Variants in SGCE observed in about 807,000 individuals in gnomAD.
SGCE encodes sarcoglycan epsilon, also known as epsilon-sarcoglycan.
Under a neutral mutation model 57.8 loss-of-function variants are expected in SGCE, and 26 were observed. That is an observed-to-expected ratio of 0.45 (90% CI 0.33 to 0.62). The LOEUF (loss-of-function observed/expected upper bound fraction) is 0.62, where lower values mean the gene tolerates loss of function less well. Among genes scored for constraint, SGCE ranks in the 20% least tolerant of loss-of-function variants. The probability of loss-of-function intolerance (pLI) is 0.02; values close to 1 mark genes in which losing one functional copy is unlikely to be tolerated. For missense variants in SGCE, 468 were observed against 548.6 expected (o/e 0.85, Z 1.47); for synonymous variants, 183 against 189.5 (o/e 0.97, Z 0.28).
chr7:94,624,605 C>A, intron 3 of SGCE: 1 of 179,244 alleles, frequency 5.6e-6, no homozygotes, highest in Non-Finnish European at 1.2e-5. Flanking sequence ...ATTAAACAAA[C>A]TAGGAACTTT....
At chr7:94,638,377 C>T (rs1474521582) in intron 1 of SGCE, among the ~76,000 whole-genome samples, 1 of 151,984 alleles carries the variant, frequency 6.6e-6, no homozygotes. Context: ...TAATTCGGTT[C>T]CAGCTATAAA....
rs527929196 is a variant in SGCE at position 94,585,344 on chromosome 7, G to C, written c.*155C>G. The C allele has an allele frequency of 5.1e-5, 30 of 590,526 alleles. No homozygotes were observed. The highest frequency in any genetic ancestry group is 3.6e-4 in the African/African-American group (20 of 54,804). The allele number at this position is 590,526 out of a possible 1,614,324, so 36.6% of individuals were successfully genotyped here. A position where few individuals can be genotyped will look rare whatever the true frequency, so the allele number is the denominator to read the frequency against. ...GTACAAAAAAATACATTAGTAAAAT[G>C]AAAGTTATGTTGTATTATTTGGTAT... is the stretch of plus-strand genomic sequence containing the variant. On this transcript the variant is annotated 3_prime_UTR_variant, in exon 11 of 11. Coordinates refer to ENST00000648936, the MANE Select transcript of SGCE (RefSeq NM_003919.3).
intron 1 of SGCE, among the ~76,000 whole-genome samples, chr7:94,648,068 A>G (rs573521330): frequency 6.6e-6 from 1 of 152,198 alleles, no homozygotes; most frequent in African/African-American, 2.4e-5. Context: ...CACTCAAAAA[A>G]ATGAATGAAT....
intron 10 of SGCE, chr7:94,587,930 C>A (rs1473156264): frequency 2.8e-6 from 4 of 1,430,836 alleles, no homozygotes; most frequent in Admixed American, 3.4e-5. Context: ...TACCACAATG[C>A]CGCTATTCAT....
intron 1 of SGCE, among the ~76,000 whole-genome samples, chr7:94,647,718 C>T (rs536986362): frequency 6.6e-6 from 1 of 152,174 alleles, no homozygotes; most frequent in Non-Finnish European, 1.5e-5. Flanking sequence ...TTTCTGTTGA[C>T]CATATTCAAC....
At chr7:94,589,272 T>C (rs1259847910) in intron 9 of SGCE, 1 of 160,710 alleles carries the variant, frequency 6.2e-6, no homozygotes, top group Non-Finnish European at 1.4e-5. Context: ...GTTCCTTCCC[T>C]CTCCTTCAGT....
intron 10 of SGCE, chr7:94,587,924 A>G: frequency 1.4e-6 from 2 of 1,447,166 alleles, no homozygotes; most frequent in Non-Finnish European, 1.8e-6. Flanking sequence ...TTTCCCTACC[A>G]CAATGCCGCT....
chr7:94,625,370 T>C (rs1407335091), intron 3 of SGCE: 1 of 151,968 alleles, frequency 6.6e-6, no homozygotes, highest in Non-Finnish European at 1.5e-5. Flanking sequence ...CTTTTTTTTA[T>C]CTTTTTACTA....
At chr7:94,642,255 TG>T (rs1442394053) in intron 1 of SGCE, among the ~76,000 whole-genome samples, 1 of 152,196 alleles carries the variant, frequency 6.6e-6, no homozygotes, top group Non-Finnish European at 1.5e-5. Context: ...CTCTAATAAA[TG>T]GCTTATTTAA....
chr7:94,615,423 TAAAG>T (rs1418801037), intron 5 of SGCE, among the ~76,000 whole-genome samples: 5 of 122,706 alleles, frequency 4.1e-5, no homozygotes, highest in Non-Finnish European at 9.5e-5. Context: ...GATAGATAGA[TAAAG>T]GGCAATTCTG....
At chr7:94,601,819 A>G (rs1025316800) in intron 6 of SGCE, among the ~76,000 whole-genome samples, 2 of 152,120 alleles carry the variant, frequency 1.3e-5, no homozygotes, top group South Asian at 2.1e-4. Flanking sequence ...TTGTTGTCCA[A>G]CACAGCCTTG....
chr7:94,586,048 C>A (rs1383784987), intron 10 of SGCE, among the ~76,000 whole-genome samples: 1 of 3,728 alleles, frequency 2.7e-4, no homozygotes, highest in Non-Finnish European at 5.3e-4. Flanking sequence ...TAAAAGAAAA[C>A]AAGGAACTAA....
At chr7:94,638,980 T>G (rs1805999099) in intron 1 of SGCE, among the ~76,000 whole-genome samples, 1 of 152,210 alleles carries the variant, frequency 6.6e-6, no homozygotes, top group South Asian at 2.1e-4. Flanking sequence ...TGATACATGT[T>G]AAATGTACGT....
chr7:94,619,049 CAT>C, intron 4 of SGCE, 93 bp from the exon 5 acceptor site: 1 of 891,276 alleles, frequency 1.1e-6, no homozygotes, highest in Non-Finnish European at 1.9e-6. Flanking sequence ...TGAGTTCTGT[CAT>C]AATCCTGGCA....
intron 1 of SGCE, among the ~76,000 whole-genome samples, chr7:94,640,627 T>C (rs1167581868): frequency 1.3e-5 from 2 of 152,114 alleles, no homozygotes; most frequent in South Asian, 4.1e-4. Context: ...TCCTAGCTTC[T>C]GTGTGTTTGT....
At chr7:94,622,558 G>A (rs1802966809) in intron 4 of SGCE, 2 of 151,986 alleles carry the variant, frequency 1.3e-5, no homozygotes, top group Admixed American at 1.3e-4. Context: ...GAACCCAGGA[G>A]GCGGAGGTTG....
intron 5 of SGCE, among the ~76,000 whole-genome samples, chr7:94,614,495 C>G (rs1801581826): frequency 6.6e-6 from 1 of 152,184 alleles, no homozygotes; most frequent in African/African-American, 2.4e-5. Flanking sequence ...TTCTGGATCT[C>G]TTTCTCCATT....
At chr7:94,592,269 A>T (rs1161712106) in intron 9 of SGCE, among the ~76,000 whole-genome samples, 1 of 152,198 alleles carries the variant, frequency 6.6e-6, no homozygotes, top group African/African-American at 2.4e-5. Context: ...CATACTGGAA[A>T]AAATGCCTTC....
At chr7:94,595,088 A>C (rs1798204574) in intron 9 of SGCE, among the ~76,000 whole-genome samples, 1 of 152,158 alleles carries the variant, frequency 6.6e-6, no homozygotes, top group Non-Finnish European at 1.5e-5. Flanking sequence ...GACCTAATTT[A>C]ACTTTGTCTC....
Sources: gnomAD v4.1 joint callset for allele counts (sites outside exome capture counted in the v4.1 genomes callset) on GRCh38, gnomAD v4.1.1 for gene constraint, MANE v1.5 for transcripts, NCBI Gene and HGNC (gene_info 2026-07-23, HGNC 2026-07-21) for gene names.